KCNMB2: variants seen among roughly 807,000 people sequenced by gnomAD.
KCNMB2 encodes the protein calcium-activated potassium channel subunit beta-2.
KCNMB2 carries 9 observed loss-of-function variants against 24.5 expected under a neutral mutation model. The observed-to-expected ratio is 0.37, with a 90% CI of 0.22 to 0.64. The LOEUF is 0.64. Among genes scored for constraint, KCNMB2 ranks in the 30% least tolerant of loss-of-function variants. The pLI is 0.63. For synonymous variants in KCNMB2, 109 were observed against 104.4 expected (o/e 1.04, Z -0.27); for missense variants, 226 against 284.3 (o/e 0.79, Z 1.47).
intron 2 of KCNMB2, chr3:178,820,374 T>C (rs1029932773): frequency 1.3e-5 from 2 of 152,692 alleles, no homozygotes; most frequent in African/African-American, 4.8e-5. Flanking sequence ...GTCTTATTTA[T>C]TTGGTATCGC....
At chr3:178,701,347 T>C (rs572495498) in intron 1 of KCNMB2, among the ~76,000 whole-genome samples, 285 of 152,314 alleles carry the variant, frequency 1.9e-3, no homozygotes, top group African/African-American at 6.5e-3. Context: ...CCATGCTGTT[T>C]TGGTTACTGT....
intron 1 of KCNMB2, among the ~76,000 whole-genome samples, chr3:178,611,284 C>T (rs527551687): frequency 6.6e-6 from 1 of 152,158 alleles, no homozygotes; most frequent in Admixed American, 6.5e-5. Context: ...CACTAGTAAT[C>T]CTTTGAATTT....
At chr3:178,630,139 G>A (rs1247623461) in intron 1 of KCNMB2, among the ~76,000 whole-genome samples, 1 of 151,950 alleles carries the variant, frequency 6.6e-6, no homozygotes, top group African/African-American at 2.4e-5. Flanking sequence ...TTTCCCTGGC[G>A]CTTCTTTTAA....
chr3:178,653,670 A>G (rs1041755267), intron 1 of KCNMB2, among the ~76,000 whole-genome samples: 1 of 152,092 alleles, frequency 6.6e-6, no homozygotes, highest in East Asian at 1.9e-4. Context: ...ATAATTAAAT[A>G]ATTTTTTCTC....
At chr3:178,720,115 T>C (rs1171859088) in intron 1 of KCNMB2, among the ~76,000 whole-genome samples, 1 of 152,130 alleles carries the variant, frequency 6.6e-6, no homozygotes, top group Non-Finnish European at 1.5e-5. Flanking sequence ...TATCTCCCAA[T>C]GCTATCCCTC....
At chr3:178,538,047 T>G (rs563918070) in intron 1 of KCNMB2, among the ~76,000 whole-genome samples, 20 of 152,350 alleles carry the variant, frequency 1.3e-4, no homozygotes, top group South Asian at 1.2e-3. Context: ...TAAATAGGGC[T>G]TTTGCTCTTC....
At chr3:178,599,731 A>C (rs1718010789) in intron 1 of KCNMB2, among the ~76,000 whole-genome samples, 1 of 152,168 alleles carries the variant, frequency 6.6e-6, no homozygotes, top group Non-Finnish European at 1.5e-5. Flanking sequence ...TACAAAACTG[A>C]AACTTCATAC....
chr3:178,538,366 C>A (rs780972758), intron 1 of KCNMB2, among the ~76,000 whole-genome samples: 1 of 152,142 alleles, frequency 6.6e-6, no homozygotes, highest in Non-Finnish European at 1.5e-5. Context: ...CTTCTCCAGC[C>A]AACTGACCAG....
intron 1 of KCNMB2, among the ~76,000 whole-genome samples, chr3:178,665,964 C>T (rs1289663145): frequency 1.3e-5 from 2 of 152,130 alleles, no homozygotes; most frequent in African/African-American, 4.8e-5. Context: ...ATTACGCCTC[C>T]AGCTAATGCT....
chr3:178,546,534 A>G (rs1715780724), intron 1 of KCNMB2, among the ~76,000 whole-genome samples: 1 of 152,208 alleles, frequency 6.6e-6, no homozygotes. Flanking sequence ...TAAGGTGTCT[A>G]CACGTTTTAA....
intron 1 of KCNMB2, among the ~76,000 whole-genome samples, chr3:178,615,084 A>T (rs1718656820): frequency 6.6e-6 from 1 of 152,174 alleles, no homozygotes; most frequent in Non-Finnish European, 1.5e-5. Context: ...ACCTGACAGA[A>T]ACTCCTGTTT....
intron 2 of KCNMB2, among the ~76,000 whole-genome samples, chr3:178,816,157 AT>A (rs1181445068): frequency 6.6e-6 from 1 of 151,908 alleles, no homozygotes; most frequent in Non-Finnish European, 1.5e-5. Flanking sequence ...GATGATTCAA[AT>A]TTTTAATGAT....
chr3:178,543,277 C>T (rs2108448133), intron 1 of KCNMB2, among the ~76,000 whole-genome samples: 1 of 152,340 alleles, frequency 6.6e-6, no homozygotes, highest in East Asian at 1.9e-4. Context: ...AAGAAAATGT[C>T]TGCCTCTCTG....
intron 1 of KCNMB2, among the ~76,000 whole-genome samples, chr3:178,636,796 A>G (rs991380677): frequency 1.3e-5 from 2 of 151,498 alleles, no homozygotes; most frequent in Admixed American, 6.6e-5. Context: ...GGTTTGTTAC[A>G]GAGGTAAACA....
chr3:178,763,258 T>C (rs1033646119), intron 1 of KCNMB2, among the ~76,000 whole-genome samples: 3 of 152,180 alleles, frequency 2.0e-5, no homozygotes, highest in African/African-American at 7.2e-5. Context: ...TTCTTTAATA[T>C]GAAGCCAGTA....
intron 1 of KCNMB2, among the ~76,000 whole-genome samples, chr3:178,772,404 G>A (rs1481778092): frequency 6.6e-6 from 1 of 152,150 alleles, no homozygotes; most frequent in Non-Finnish European, 1.5e-5. Context: ...TTGGGGGCAG[G>A]TCTTTCCCAT....
intron 1 of KCNMB2, among the ~76,000 whole-genome samples, chr3:178,778,470 A>ACGTGCGCGCGCGCGCGCGCG (rs1469982956): frequency 9.4e-4 from 83 of 88,630 alleles, no homozygotes; most frequent in Non-Finnish European, 1.6e-3. Context: ...ACACACACAC[A>ACGTGCGCGCGCGCGCGCGCG]CACACACACA....
chr3:178,691,572 T>C (rs1004345649), intron 1 of KCNMB2, among the ~76,000 whole-genome samples: 1 of 152,184 alleles, frequency 6.6e-6, no homozygotes, highest in Non-Finnish European at 1.5e-5. Flanking sequence ...TCCATGTCCC[T>C]GAAAAGGATA....
intron 1 of KCNMB2, among the ~76,000 whole-genome samples, chr3:178,571,039 T>A (rs1359803089): frequency 1.3e-5 from 2 of 152,208 alleles, no homozygotes; most frequent in Non-Finnish European, 2.9e-5. Flanking sequence ...TTTTGTACTG[T>A]TTCCACGATG....
Sources: gnomAD v4.1 joint callset for allele counts (sites outside exome capture counted in the v4.1 genomes callset) on GRCh38, gnomAD v4.1.1 for gene constraint, MANE v1.5 for transcripts, NCBI Gene and HGNC (gene_info 2026-07-23, HGNC 2026-07-21) for gene names.